SLC37A1: variants seen among roughly 807,000 people sequenced by gnomAD.
The protein encoded by SLC37A1 is solute carrier family 37 member 1.
Under a neutral mutation model 75.3 loss-of-function variants are expected in SLC37A1, and 49 were observed. The ratio of observed to expected loss-of-function variants is 0.65; its 90% confidence interval spans 0.52 to 0.83. The LOEUF (loss-of-function observed/expected upper bound fraction) is 0.83, where lower values mean the gene tolerates loss of function less well. SLC37A1 is among the 40% of genes least tolerant of loss of function. The pLI, the probability that SLC37A1 is intolerant of heterozygous loss-of-function variation, is 0.00. For missense variants in SLC37A1, 566 were observed against 695.0 expected (o/e 0.81, Z 2.09); for synonymous variants, 268 against 292.1 (o/e 0.92, Z 0.84).
intron 11 of SLC37A1, chr21:42,560,415 AG>A (rs941851441): frequency 1.3e-5 from 2 of 152,558 alleles, no homozygotes; most frequent in African/African-American, 4.8e-5. Flanking sequence ...CCACAGCACC[AG>A]GGAGCAGACA....
At chr21:42,523,562 C>T (rs1293383438) in intron 2 of SLC37A1, among the ~76,000 whole-genome samples, 1 of 152,254 alleles carries the variant, frequency 6.6e-6, no homozygotes, top group Non-Finnish European at 1.5e-5. Context: ...TTCAGAAACA[C>T]GAGGACAGAG....
At chr21:42,566,587 C>T (rs1415394936) in intron 15 of SLC37A1, among the ~76,000 whole-genome samples, 2 of 152,182 alleles carry the variant, frequency 1.3e-5, no homozygotes, top group East Asian at 3.9e-4. Context: ...CCCCCTCAGG[C>T]CAGAAGCTTC....
Position 42,535,498 on chromosome 21 carries a change from G to A in SLC37A1, c.298G>A (p.Gly100Arg). 1 of 1,614,194 alleles carries A rather than the reference G, an allele frequency of 6.2e-7. No individual in the cohort carries two copies. The highest frequency in any genetic ancestry group is 8.5e-7 in the Non-Finnish European group (1 of 1,180,024). The part of the protein sequence containing the change: ...FDKNNYQQLL[G>R]ALDYSFLCAY... Reference sequence around the variant, plus strand: ...TAAGAACAACTATCAGCAGCTGCTTGGGGCCCTGGACTACTCCTTCCTGTG... The same window carrying A: ...TAAGAACAACTATCAGCAGCTGCTTAGGGCCCTGGACTACTCCTTCCTGTG... The change falls in exon 5 of 20, where the codon GGG (glycine) becomes AGG (arginine). Residue 100 changes from glycine (G) to arginine (R), a missense_variant. Coordinates refer to ENST00000352133, the MANE Select transcript of SLC37A1 (RefSeq NM_001320537.2).
rs181746499 is a variant in SLC37A1, at chr21:42,526,225, T to C, written c.138+368T>C. On this transcript the variant is annotated intron_variant, in intron 3 of 19. Coordinates refer to ENST00000352133, the MANE Select transcript of SLC37A1 (RefSeq NM_001320537.2). ...CCAACCCTAGGTCTGGCTGCGGAGG[T>C]GGCTCTCCATTGTTCTTGGAACGCT... Among the ~76,000 whole-genome samples the C allele has an allele frequency of 4.5e-3, 687 of 152,250 alleles. 3 individuals carry two copies. Among genetic ancestry groups the C allele is most frequent in the African/African-American group, 0.016 (665 of 41,538 alleles).
intron 18 of SLC37A1, chr21:42,575,669 C>G: frequency 1.7e-5 from 17 of 985,468 alleles, no homozygotes; most frequent in Non-Finnish European, 2.0e-5. Context: ...TCTCACTTCA[C>G]CAGACAAAAC....
chr21:42,559,703 C>T (rs1021713229), intron 11 of SLC37A1, among the ~76,000 whole-genome samples: 3 of 152,212 alleles, frequency 2.0e-5, no homozygotes, highest in Non-Finnish European at 4.4e-5. Flanking sequence ...TGGCAAAAAC[C>T]GGTCTTTACT....
At chr21:42,561,392 C>G (rs1569029483) in intron 11 of SLC37A1, 1 of 153,788 alleles carries the variant, frequency 6.5e-6, no homozygotes, top group Admixed American at 6.5e-5. Flanking sequence ...CTACGTGTCT[C>G]TTTTCACTGT....
chr21:42,502,206 T>C (rs1036588490), intron 1 of SLC37A1: 8 of 152,214 alleles, frequency 5.3e-5, no homozygotes, highest in African/African-American at 1.9e-4. Flanking sequence ...CTGCCCAAAG[T>C]AAATAGATGA....
At chr21:42,512,106 G>T (rs2054440501), upstream of SLC37A1, among the ~76,000 whole-genome samples, 1 of 149,496 alleles carries the variant, frequency 6.7e-6, no homozygotes, top group Non-Finnish European at 1.5e-5. Flanking sequence ...GAGGTGATTG[G>T]ATATACTAGC....
intron 7 of SLC37A1, 110 bp from the exon 8 acceptor site, chr21:42,543,326 G>C (rs75863083): frequency 3.1e-6 from 4 of 1,274,194 alleles, no homozygotes; most frequent in Non-Finnish European, 3.4e-6. Flanking sequence ...ATGGCCCCCC[G>C]TTGATTCTGC....
chr21:42,504,271 C>T (rs1023133928), intron 2 of SLC37A1, among the ~76,000 whole-genome samples: 2 of 152,142 alleles, frequency 1.3e-5, no homozygotes, highest in African/African-American at 4.8e-5. Context: ...CATTTTGGGT[C>T]ATCTTGGCCC....
chr21:42,559,355 C>T (rs1045106253), intron 11 of SLC37A1, among the ~76,000 whole-genome samples: 7 of 152,148 alleles, frequency 4.6e-5, no homozygotes, highest in African/African-American at 1.4e-4. Context: ...AAAAATGGGG[C>T]TCCCTGCCTT....
intron 17 of SLC37A1, among the ~76,000 whole-genome samples, chr21:42,569,171 G>C (rs762864552): frequency 2.0e-5 from 3 of 152,202 alleles, no homozygotes; most frequent in African/African-American, 7.2e-5. Flanking sequence ...CTGCGTGGGG[G>C]TCTCCAGTAA....
intron 12 of SLC37A1, among the ~76,000 whole-genome samples, chr21:42,562,613 C>T (rs2055859527): frequency 1.3e-5 from 2 of 152,272 alleles, no homozygotes; most frequent in South Asian, 4.1e-4. Context: ...CTTTATGTTT[C>T]AGAAGCCCCG....
At chr21:42,509,721 C>G (rs182409292), upstream of SLC37A1, 9 of 152,318 alleles carry the variant, frequency 5.9e-5, no homozygotes, top group East Asian at 1.7e-3. The surrounding 1 kb of genome is among the most constrained non-coding windows in gnomAD (Gnocchi z 4.2). Flanking sequence ...ATCACCCTTC[C>G]TCGCCAGTCA....
At chr21:42,518,661 G>A (rs1281404739) in intron 2 of SLC37A1, 151 bp downstream of exon 2, 2 of 891,980 alleles carry the variant, frequency 2.2e-6, no homozygotes, top group African/African-American at 1.7e-5. Flanking sequence ...TTTTGGTGGT[G>A]GAAGCCGTGA....
chr21:42,501,037 A>G (rs2054336386), intron 1 of SLC37A1, among the ~76,000 whole-genome samples: 1 of 152,258 alleles, frequency 6.6e-6, no homozygotes, highest in Admixed American at 6.5e-5. Flanking sequence ...AGTGGACACC[A>G]GTGTGGAGAC....
At chr21:42,563,723 G>A in intron 12 of SLC37A1, 92 bp from the exon 13 acceptor site, 1 of 1,158,480 alleles carries the variant, frequency 8.6e-7, no homozygotes, top group Non-Finnish European at 1.3e-6. Context: ...TGAAGCCAGA[G>A]TCCCGTGCAC....
intron 10 of SLC37A1, among the ~76,000 whole-genome samples, chr21:42,556,374 C>T (rs188391457): frequency 2.6e-5 from 4 of 152,344 alleles, no homozygotes; most frequent in South Asian, 2.1e-4. Context: ...GTGACTCCAC[C>T]GTGCACTTTG....
Sources: allele counts gnomAD v4.1 joint callset (sites outside exome capture counted in the v4.1 genomes callset), GRCh38; gene constraint gnomAD v4.1.1; non-coding constraint Gnocchi (gnomAD v3.1); transcripts MANE v1.5; gene names NCBI Gene and HGNC (gene_info 2026-07-23, HGNC 2026-07-21).